The following PHKG2 variants were observed in gnomAD, a reference collection of about 807,000 sequenced individuals.
PHKG2 encodes phosphorylase b kinase gamma catalytic chain, liver/testis isoform.
Under a neutral mutation model 44.5 loss-of-function variants are expected in PHKG2, and 28 were observed. The observed-to-expected ratio is 0.63, with a 90% CI of 0.47 to 0.86. The LOEUF (loss-of-function observed/expected upper bound fraction) is 0.86. Ranked by LOEUF, PHKG2 falls within the 40% of genes least tolerant of loss-of-function variation. The pLI is 0.00. For synonymous variants in PHKG2, 220 were observed against 211.2 expected (o/e 1.04, Z -0.36); for missense variants, 498 against 547.5 (o/e 0.91, Z 0.90).
rs773378624 is a variant in PHKG2, at chr16:30,759,591, G to A, written c.*2494G>A. On this transcript the variant is annotated 3_prime_UTR_variant, in exon 10 of 10. Coordinates refer to ENST00000563588, the MANE Select transcript of PHKG2 (RefSeq NM_000294.3). ...GAAGATAAGGGTGATGAATGTGAGAGAGACTGGGTGAGACCTTGTCTGGGG... is the reference window on the plus strand; with the variant it reads ...GAAGATAAGGGTGATGAATGTGAGAAAGACTGGGTGAGACCTTGTCTGGGG... The A allele has an allele frequency of 6.2e-7, 1 of 1,614,146 alleles. No homozygotes were observed. The highest frequency in any genetic ancestry group is 1.1e-5 in the South Asian group (1 of 91,080).
chr16:30,757,258 CTG>C lies in PHKG2; in HGVS notation c.*162_*163del, dbSNP rs1163059545. 30 of 1,563,252 alleles carry C rather than the reference CTG, an allele frequency of 1.9e-5. No individual in the cohort carries two copies. The South Asian group carries it at 3.4e-4, about 18-fold the overall frequency. ...ACCTCTCTCCCCACTGGCCAGGACT[CTG>C]AGATCAGAGCTGGGGTGGAAGGGAG... On this transcript the variant is annotated 3_prime_UTR_variant, in exon 10 of 10. Coordinates refer to ENST00000563588, the MANE Select transcript of PHKG2 (RefSeq NM_000294.3).
intron 2 of PHKG2, among the ~76,000 whole-genome samples, chr16:30,749,447 A>T (rs1452493287): frequency 6.6e-6 from 1 of 152,142 alleles, no homozygotes; most frequent in East Asian, 1.9e-4. Context: ...TCCTGGGTTC[A>T]AGTGATTCTC....
chr16:30,752,476 C>G (rs2053364818), intron 4 of PHKG2: 1 of 152,488 alleles, frequency 6.6e-6, no homozygotes, highest in South Asian at 2.1e-4. Flanking sequence ...GCTTAACACG[C>G]TAACTATTCT....
In PHKG2 at chr16:30,758,892, G is replaced by C; in HGVS notation, c.*1795G>C. 1 of 1,491,978 alleles carries C rather than the reference G, an allele frequency of 6.7e-7. No homozygotes were observed. The highest frequency in any genetic ancestry group is 8.9e-7 in the Non-Finnish European group (1 of 1,118,614). 92.4% of individuals were successfully genotyped at this position (1,491,978 alleles called of 1,614,324 possible). ...TGTCATCTTGGACTTCTGCATAAGG[G>C]ATCATTTAGAGAAAGGACTCTGACT... On this transcript the variant is annotated 3_prime_UTR_variant, in exon 10 of 10. Transcript: ENST00000563588.
chr16:30,748,550 A>C, intron 1 of PHKG2, 60 bp downstream of exon 1: 3 of 500,914 alleles, frequency 6.0e-6, no homozygotes, highest in South Asian at 2.7e-5. Context: ...CCTGCGCGGC[A>C]ACAGCCGCCT....
rs1215832285 is a variant in PHKG2 at position 30,759,200 on chromosome 16, T to C, written c.*2103T>C. 1 of 1,614,148 alleles carries C rather than the reference T, an allele frequency of 6.2e-7. No homozygotes were observed. The highest frequency in any genetic ancestry group is 1.3e-5 in the African/African-American group (1 of 75,038). On this transcript the variant is annotated 3_prime_UTR_variant, in exon 10 of 10. Transcript: ENST00000563588. ...TACCCGTCTCACTCTCTGGCCACAG[T>C]TTGGGTGGCTGTAGCCCCATGTAAG...
Position 30,759,048 on chromosome 16 carries a change from C to T in PHKG2, c.*1951C>T. 1.2e-6 allele frequency: 2 copies of T among 1,614,220 alleles called. No homozygotes were observed. The highest frequency in any genetic ancestry group is 1.7e-6 in the Non-Finnish European group (2 of 1,180,038). On this transcript the variant is annotated 3_prime_UTR_variant, in exon 10 of 10. Transcript: ENST00000563588. ...TCTGGTGGGGCCACTGTCTCTAGTT[C>T]CTCTTTCTGCGGGGTAACTGCCTGC... is the stretch of plus-strand genomic sequence containing the variant.
At chr16:30,748,553 A>G in intron 1 of PHKG2, 63 bp downstream of exon 1, 1 of 517,898 alleles carries the variant, frequency 1.9e-6, no homozygotes, top group Non-Finnish European at 3.4e-6. Flanking sequence ...GCGCGGCAAC[A>G]GCCGCCTGCC....
At chr16:30,749,211 GTGTGTGTGTGTGT>G (rs2053310589) in intron 2 of PHKG2, among the ~76,000 whole-genome samples, 8 of 138,910 alleles carry the variant, frequency 5.8e-5, no homozygotes, top group Non-Finnish European at 9.5e-5. Flanking sequence ...GGTGGTGTGT[GTGTGTGTGTGTGT>G]CTTTCGGTGG....
chr16:30,753,338 G>A, intron 5 of PHKG2, 41 bp downstream of exon 5: 2 of 1,613,520 alleles, frequency 1.2e-6, no homozygotes, highest in Non-Finnish European at 1.7e-6. Context: ...AGCAGGGGGT[G>A]GGACAGGGCA....
In PHKG2 at chr16:30,758,984, G is replaced by A. The variant is rs1198279846; in HGVS notation, c.*1887G>A. The A allele has an allele frequency of 1.2e-6, 2 of 1,613,654 alleles. No homozygotes were observed. The highest frequency in any genetic ancestry group is 2.2e-5 in the South Asian group (2 of 91,042). On this transcript the variant is annotated 3_prime_UTR_variant, in exon 10 of 10. Transcript: ENST00000563588. ...CATTCTACACCTGCTCAGAGGGACA[G>A]GGCAGCCTGCCCTCTCCAGATCCTC... is the stretch of plus-strand genomic sequence containing the variant.
chr16:30,753,390 C>T lies in PHKG2; in HGVS notation c.393-4C>T, dbSNP rs2053377288. On this transcript the variant is annotated splice_region_variant and splice_polypyrimidine_tract_variant and intron_variant, in intron 5 of 9. Transcript: ENST00000563588. Reference sequence around the variant, plus strand: ...GAGACTGCACCCGCCTCCCCTTCCCCCAGGTCCATCATGCGGTCTCTGCTG... The same window carrying T: ...GAGACTGCACCCGCCTCCCCTTCCCTCAGGTCCATCATGCGGTCTCTGCTG... The T allele has an allele frequency of 1.2e-6, 2 of 1,614,160 alleles. No homozygotes were observed. The highest frequency in any genetic ancestry group is 3.3e-5 in the Admixed American group (2 of 60,016).
In PHKG2 at chr16:30,757,560, G is replaced by A. The variant is rs760762883; in HGVS notation, c.*463G>A. The A allele has an allele frequency of 1.7e-5, 27 of 1,614,112 alleles. No homozygotes were observed. Among genetic ancestry groups the A allele is most frequent in the Admixed American group, 5.0e-5 (3 of 59,998 alleles). On this transcript the variant is annotated 3_prime_UTR_variant, in exon 10 of 10. Transcript: ENST00000563588. ...TCAACTTGCTGCTGAGCCTTTCCTC[G>A]CTGGCCTTGAGCCGCTCCTCCACCA... is the stretch of plus-strand genomic sequence containing the variant.
Position 30,756,291 on chromosome 16 carries a change from C to G in PHKG2, c.647+19C>G. On this transcript the variant is annotated intron_variant, in intron 7 of 9. Coordinates refer to ENST00000563588, the MANE Select transcript of PHKG2 (RefSeq NM_000294.3). ...TCGACCTGTGAGTTCCTGGTCTCCC[C>G]CTCCCTCCCGTGCTTGCTGTCCTTT... The G allele has an allele frequency of 6.2e-7, 1 of 1,613,952 alleles. No individual in the cohort carries two copies. Among genetic ancestry groups the G allele is most frequent in the Non-Finnish European group, 8.5e-7 (1 of 1,179,806 alleles).
intron 6 of PHKG2, chr16:30,754,801 C>T (rs1218542407): frequency 2.7e-5 from 12 of 451,122 alleles, no homozygotes; most frequent in Non-Finnish European, 5.4e-5. Context: ...GCTTAGGTCC[C>T]CTTGCTTTCT....
rs760671224 is a variant in PHKG2, at chr16:30,756,395, C to G, written c.676C>G (p.Leu226Val). 1 of 1,614,136 alleles carries G rather than the reference C, an allele frequency of 6.2e-7. No individual in the cohort carries two copies. The highest frequency in any genetic ancestry group is 1.1e-5 in the South Asian group (1 of 91,088). The change falls in exon 8 of 10, where the codon CTC (leucine) becomes GTC (valine). Residue 226 changes from leucine to valine, a missense_variant. Transcript: ENST00000563588. ...GGCCTGTGGGGTGATCTTGTTCACA[C>G]TCCTGGCTGGCTCGCCACCCTTCTG... ...LWACGVILFTLLAGSPPFWHR... is the reference protein window; with the variant it reads ...LWACGVILFTVLAGSPPFWHR...
Position 30,759,935 on chromosome 16 carries a change from G to T in PHKG2, c.*2838G>T. 2 of 1,440,776 alleles carry T rather than the reference G, an allele frequency of 1.4e-6. No individual in the cohort carries two copies. Among genetic ancestry groups the T allele is most frequent in the Non-Finnish European group, 1.8e-6 (2 of 1,101,802 alleles). The allele number at this position is 1,440,776 out of a possible 1,614,324, so 89.2% of individuals were successfully genotyped here. A position where few individuals can be genotyped will look rare whatever the true frequency, so the allele number is the denominator to read the frequency against. The stretch of plus-strand genomic sequence containing the variant: ...CACTGAACAAGACAGACAAGGTCCT[G>T]CCCTTACGAAGCTTATATTCTAGGG... On this transcript the variant is annotated 3_prime_UTR_variant, in exon 10 of 10. Transcript: ENST00000563588.
chr16:30,760,089 T>TA lies in PHKG2; in HGVS notation c.*2996dup. On this transcript the variant is annotated 3_prime_UTR_variant, in exon 10 of 10. Coordinates refer to ENST00000563588, the MANE Select transcript of PHKG2 (RefSeq NM_000294.3). ...TATATTATTTCTCAGAACAGTCCTGTAAAATGTGTGCTGTATCCTTAATTT... is the reference window on the plus strand; with the variant it reads ...TATATTATTTCTCAGAACAGTCCTGTAAAAATGTGTGCTGTATCCTTAATTT... 6.5e-7 allele frequency: 1 copy of TA among 1,537,472 alleles called. No individual in the cohort carries two copies. The highest frequency in any genetic ancestry group is 2.4e-5 in the East Asian group (1 of 40,954).
At chr16:30,754,096 C>T (rs2053385560) in intron 6 of PHKG2, among the ~76,000 whole-genome samples, 1 of 152,120 alleles carries the variant, frequency 6.6e-6, no homozygotes, top group Admixed American at 6.5e-5. Context: ...ATGGTTTGTA[C>T]TAGACTTATG....
Sources: gnomAD v4.1 joint callset for allele counts (sites outside exome capture counted in the v4.1 genomes callset) on GRCh38, gnomAD v4.1.1 for gene constraint, MANE v1.5 for transcripts, NCBI Gene and HGNC (gene_info 2026-07-23, HGNC 2026-07-21) for gene names.